The following PYGL variants were observed in gnomAD, a reference collection of about 807,000 sequenced individuals.
PYGL encodes glycogen phosphorylase L.
In PYGL, 90 loss-of-function variants were observed where a neutral mutation model predicts 100.1. The ratio of observed to expected loss-of-function variants is 0.90; its 90% confidence interval spans 0.76 to 1.07. The LOEUF is 1.07. PYGL is among the 50% of genes least tolerant of loss of function. PYGL has a pLI of 0.00. For missense variants in PYGL, 1,016 were observed against 1,057.6 expected (o/e 0.96, Z 0.55); for synonymous variants, 373 against 393.0 (o/e 0.95, Z 0.60).
Position 50,914,994 on chromosome 14 carries a change from C to G in PYGL, c.1404-179G>C, listed in dbSNP as rs566672098. Among the ~76,000 whole-genome samples the G allele has an allele frequency of 6.6e-5, 10 of 152,310 alleles. No homozygotes were observed. In the South Asian group the frequency reaches 1.7e-3, roughly 25 times the overall value. On this transcript the variant is annotated intron_variant, in intron 11 of 19. Transcript: ENST00000216392. ...CATTTAAATAGAAATTCATTTGCAACTCAAAAGAATTACCAGAAAAATTCC... is the reference window on the plus strand; with the variant it reads ...CATTTAAATAGAAATTCATTTGCAAGTCAAAAGAATTACCAGAAAAATTCC...
chr14:50,921,064 C>T lies in PYGL; in HGVS notation c.664G>A (p.Val222Ile), dbSNP rs946616. 0.068 allele frequency: 109,408 copies of T among 1,610,242 alleles called. 4,607 individuals are homozygous for T. The highest frequency in any genetic ancestry group is 0.18 in the African/African-American group (13,835 of 74,846). ...GGGGTGTCATATGGCAGAGCCAGGA[C>T]CACCTGTGGGATTAAACAGAAGCAG... ...TGTKWIDTQVVLALPYDTPVP... is the reference protein window; with the variant it reads ...TGTKWIDTQVILALPYDTPVP... The change falls in exon 6 of 20, where the codon GTC (valine) becomes ATC (isoleucine). Residue 222 changes from valine (V) to isoleucine (I), a missense_variant. Coordinates refer to ENST00000216392, the MANE Select transcript of PYGL (RefSeq NM_002863.5).
At chr14:50,928,210 C>A (rs902773918) in intron 4 of PYGL, among the ~76,000 whole-genome samples, 2 of 152,180 alleles carry the variant, frequency 1.3e-5, no homozygotes, top group Non-Finnish European at 2.9e-5. Flanking sequence ...TGACTGAATT[C>A]TAAGAAATGC....
intron 1 of PYGL, among the ~76,000 whole-genome samples, chr14:50,941,845 T>C (rs1036078124): frequency 6.6e-6 from 1 of 152,088 alleles, no homozygotes; most frequent in Non-Finnish European, 1.5e-5. Flanking sequence ...ATCATTGCAC[T>C]CCAACATGGG....
intron 5 of PYGL, chr14:50,923,687 C>CAAAAAAAAAAAAAAAAAAAAAAAA (rs762951824): frequency 8.7e-6 from 1 of 115,212 alleles, no homozygotes; most frequent in Non-Finnish European, 1.6e-5. Flanking sequence ...AATTTTCTGG[C>CAAAAAAAAAAAAAAAAAAAAAAAA]AAAAAAAAAA....
chr14:50,944,076 G>A (rs372071547), intron 1 of PYGL, 85 bp downstream of exon 1: 1 of 1,475,654 alleles, frequency 6.8e-7, no homozygotes, highest in Non-Finnish European at 9.1e-7. Flanking sequence ...CCACTCTGAG[G>A]GGTTCTCCAC....
At chr14:50,938,042 CT>C (rs1359607699) in intron 1 of PYGL, among the ~76,000 whole-genome samples, 7 of 152,108 alleles carry the variant, frequency 4.6e-5, no homozygotes, top group African/African-American at 1.4e-4. Context: ...AGGCTGAGAC[CT>C]ACTGGGCTGC....
intron 7 of PYGL, 64 bp downstream of exon 7, chr14:50,920,477 T>C (rs1426001438): frequency 4.2e-6 from 6 of 1,429,502 alleles, no homozygotes; most frequent in South Asian, 1.1e-5. Flanking sequence ...TATAGGTTAC[T>C]GAACAGGCTC....
chr14:50,908,292 A>G lies in PYGL; in HGVS notation c.2358T>C (p.Asp786=), dbSNP rs765783288. ...TCACCATGTACAGCTGACTCACTTT[A>G]TCTTGACACTTGACATAGGCTTCGT... ...ADYEAYVKCQ[D]KVSQLYMNPK... The change falls in exon 19 of 20, where the codon GAT becomes GAC. Residue 786 remains aspartate, a synonymous_variant. Transcript: ENST00000216392. 9.4e-6 allele frequency: 15 copies of G among 1,601,948 alleles called. No individual in the cohort carries two copies. In the Middle Eastern group the frequency reaches 5.0e-4, roughly 53 times the overall value.
At chr14:50,929,480 C>A (rs2050584161) in intron 4 of PYGL, among the ~76,000 whole-genome samples, 1 of 151,980 alleles carries the variant, frequency 6.6e-6, no homozygotes, top group East Asian at 1.9e-4. Flanking sequence ...GAACAAAGAT[C>A]ATTTAAAAAG....
intron 7 of PYGL, among the ~76,000 whole-genome samples, chr14:50,917,477 A>G (rs1344401644): frequency 6.6e-6 from 1 of 152,216 alleles, no homozygotes; most frequent in Admixed American, 6.5e-5. Flanking sequence ...GGAGCTCCCC[A>G]AGGCTCAGGA....
Position 50,935,170 on chromosome 14 carries a change from C to T in PYGL, c.361G>A (p.Glu121Lys). The stretch of plus-strand genomic sequence containing the variant: ...TCTTCTTCAATTTCTTCTAACTCTT[C>T]TATATCCAATCCAAGCTGGTAATGA... Reference protein sequence around the residue: ...EAIYQLGLDIEELEEIEEDAG... With the variant: ...EAIYQLGLDIKELEEIEEDAG... Residue 121 changes from glutamate to lysine, a missense_variant, in exon 3 of 20, where the codon GAA (glutamate) becomes AAA (lysine). By Grantham distance (56) the Glu-to-Lys change is moderately conservative (BLOSUM62 1). Coordinates refer to ENST00000216392, the MANE Select transcript of PYGL (RefSeq NM_002863.5). The T allele has an allele frequency of 6.2e-7, 1 of 1,612,220 alleles. No individual in the cohort carries two copies. The highest frequency in any genetic ancestry group is 2.2e-5 in the East Asian group (1 of 44,866).
In PYGL at chr14:50,915,937, G is replaced by T; in HGVS notation, c.1127C>A (p.Thr376Asn). 1 of 1,614,254 alleles carries T rather than the reference G, an allele frequency of 6.2e-7. No homozygotes were observed. Residue 376 changes from threonine to asparagine, a missense_variant, in exon 10 of 20, where the codon ACC becomes AAC. Thr to Asn is a moderately conservative substitution (Grantham distance 65). Coordinates refer to ENST00000216392, the MANE Select transcript of PYGL (RefSeq NM_002863.5). The stretch of plus-strand genomic sequence containing the variant: ...GGCTTCCGGGAGCACTGTGTGGTTG[G>T]TGTAGGCGAAGGTCTTCTGGGTGAG... ...WELTQKTFAY[T>N]NHTVLPEALE...
chr14:50,940,079 A>G (rs1473850090), intron 1 of PYGL, among the ~76,000 whole-genome samples: 1 of 152,234 alleles, frequency 6.6e-6, no homozygotes, highest in African/African-American at 2.4e-5. Context: ...ACCAGCTATT[A>G]GATACCTTCG....
chr14:50,908,211 C>T (rs2050353057), intron 19 of PYGL, 60 bp downstream of exon 19: 4 of 1,387,948 alleles, frequency 2.9e-6, no homozygotes, highest in East Asian at 4.6e-5. Context: ...ATTAAAAAAC[C>T]CACATTTTAA....
chr14:50,920,685 G>C, intron 6 of PYGL, 62 bp from the exon 7 acceptor site: 6 of 1,474,206 alleles, frequency 4.1e-6, no homozygotes, highest in Non-Finnish European at 5.7e-6. Flanking sequence ...GAAACCTCTT[G>C]ATCTCACTGG....
intron 1 of PYGL, among the ~76,000 whole-genome samples, chr14:50,941,158 A>T (rs1206323661): frequency 6.6e-6 from 1 of 152,242 alleles, no homozygotes; most frequent in East Asian, 1.9e-4. Flanking sequence ...TGAGCAGACC[A>T]CAATGCACAG....
At chr14:50,906,464 T>C (rs139556554) in intron 19 of PYGL, among the ~76,000 whole-genome samples, 4,189 of 152,332 alleles carry the variant, frequency 0.027, 85 homozygotes, top group African/African-American at 0.056. Context: ...GACTTCCCAG[T>C]CATATGGGTC....
chr14:50,938,137 A>G (rs1215678780), intron 1 of PYGL, among the ~76,000 whole-genome samples: 1 of 152,234 alleles, frequency 6.6e-6, no homozygotes, highest in Non-Finnish European at 1.5e-5. Context: ...CTTGCTGATA[A>G]AAGGTTTTCT....
Position 50,917,059 on chromosome 14 carries a change from A to T in PYGL, c.902T>A (p.Val301Glu). 1.2e-6 allele frequency: 2 copies of T among 1,613,972 alleles called. No homozygotes were observed. The highest frequency in any genetic ancestry group is 1.7e-6 in the Non-Finnish European group (2 of 1,179,798). ...GATGATATCTTGCAAGGTTGCAGCCACCACAAAGTATTCCTGCTTCAATCT... is the reference window on the plus strand; with the variant it reads ...GATGATATCTTGCAAGGTTGCAGCCTCCACAAAGTATTCCTGCTTCAATCT... Reference protein sequence around the residue: ...ELRLKQEYFVVAATLQDIIRR... With the variant: ...ELRLKQEYFVEAATLQDIIRR... The change falls in exon 8 of 20, where the codon GTG becomes GAG. Residue 301 changes from valine to glutamate, a missense_variant. By Grantham distance (121) the Val-to-Glu change is moderately radical. Coordinates refer to ENST00000216392, the MANE Select transcript of PYGL (RefSeq NM_002863.5).
Sources: allele counts gnomAD v4.1 joint callset (sites outside exome capture counted in the v4.1 genomes callset), GRCh38; gene constraint gnomAD v4.1.1; transcripts MANE v1.5; gene names NCBI Gene and HGNC (gene_info 2026-07-23, HGNC 2026-07-21).